Variants in ADCK1 observed in about 807,000 individuals in gnomAD.
ADCK1 encodes the protein aarF domain-containing protein kinase 1.
Under a neutral mutation model 52.3 loss-of-function variants are expected in ADCK1, and 41 were observed. The ratio of observed to expected loss-of-function variants is 0.78; its 90% CI spans 0.61 to 1.02. The LOEUF is 1.02. Ranked by LOEUF, ADCK1 falls within the 50% of genes least tolerant of loss-of-function variation. The probability of loss-of-function intolerance (pLI) is 0.00; values close to 1 mark genes in which losing one functional copy is unlikely to be tolerated. For missense variants in ADCK1, 658 were observed against 679.5 expected, an observed-to-expected ratio of 0.97 and a Z score of 0.35; for synonymous variants, 250 against 274.6, an observed-to-expected ratio of 0.91 and a Z score of 0.89.
intron 3 of ADCK1, among the ~76,000 whole-genome samples, chr14:77,822,964 C>A (rs535013413): frequency 6.6e-6 from 1 of 152,176 alleles, no homozygotes; most frequent in Non-Finnish European, 1.5e-5. Context: ...GGCTCTGTCC[C>A]GCAGATAACT....
intron 3 of ADCK1, among the ~76,000 whole-genome samples, chr14:77,826,803 A>C (rs943104444): frequency 5.3e-5 from 8 of 152,088 alleles, no homozygotes; most frequent in African/African-American, 1.9e-4. Flanking sequence ...ACACTTTATG[A>C]GTTTGGGAAG....
chr14:77,842,801 T>C (rs1016149030), intron 3 of ADCK1, among the ~76,000 whole-genome samples: 17 of 152,150 alleles, frequency 1.1e-4, no homozygotes, highest in African/African-American at 3.1e-4. Flanking sequence ...CCACCTGCCT[T>C]GGCCTCCCAA....
intron 3 of ADCK1, among the ~76,000 whole-genome samples, chr14:77,831,260 A>T (rs537219578): frequency 6.6e-6 from 1 of 152,296 alleles, no homozygotes; most frequent in South Asian, 2.1e-4. Context: ...CTTCTCCTAA[A>T]TTCCTTAATC....
At chr14:77,868,073 C>T (rs886463760) in intron 4 of ADCK1, among the ~76,000 whole-genome samples, 4 of 152,230 alleles carry the variant, frequency 2.6e-5, no homozygotes, top group Admixed American at 6.5e-5. Context: ...TGAGGTTTAA[C>T]AAATACTGAC....
At chr14:77,920,368 A>G (rs2084021505) in intron 7 of ADCK1, among the ~76,000 whole-genome samples, 1 of 152,054 alleles carries the variant, frequency 6.6e-6, no homozygotes, top group Non-Finnish European at 1.5e-5. Context: ...GTCGTTTTCC[A>G]CTTTGTTTTT....
intron 6 of ADCK1, 136 bp from the exon 7 acceptor site, chr14:77,907,667 C>T (rs2083696984): frequency 1.6e-6 from 1 of 615,160 alleles, no homozygotes; most frequent in East Asian, 3.0e-5. Context: ...ACTGTCACCG[C>T]TGAGGTCCCT....
At chr14:77,813,151 C>T (rs992481655) in intron 1 of ADCK1, among the ~76,000 whole-genome samples, 3 of 148,876 alleles carry the variant, frequency 2.0e-5, no homozygotes, top group Non-Finnish European at 1.5e-5. Flanking sequence ...TATAGGCATG[C>T]GCCACCATGC....
intron 1 of ADCK1, among the ~76,000 whole-genome samples, chr14:77,810,345 A>G (rs749535943): frequency 2.6e-5 from 4 of 151,922 alleles, no homozygotes; most frequent in Non-Finnish European, 5.9e-5. Context: ...GAACTCCTGG[A>G]CTCAAGCAAC....
intron 4 of ADCK1, among the ~76,000 whole-genome samples, chr14:77,882,961 C>A (rs529517328): frequency 1.3e-3 from 173 of 137,868 alleles, no homozygotes; most frequent in African/African-American, 3.9e-3. Context: ...ACACCACCCC[C>A]CCCCCCGTGC....
intron 4 of ADCK1, among the ~76,000 whole-genome samples, 180 bp from the exon 5 acceptor site, chr14:77,886,907 AACAC>A (rs59174310): frequency 0.057 from 7,057 of 123,832 alleles, 221 homozygotes; most frequent in Non-Finnish European, 0.084. Context: ...ACTCTGTCTC[AACAC>A]ACACACACAC....
chr14:77,873,727 C>T (rs561816182), intron 4 of ADCK1, among the ~76,000 whole-genome samples: 1 of 152,328 alleles, frequency 6.6e-6, no homozygotes, highest in East Asian at 1.9e-4. Flanking sequence ...ACTGGGCACT[C>T]ATTCTTCTCC....
At chr14:77,905,352 C>T (rs1046176040) in intron 6 of ADCK1, among the ~76,000 whole-genome samples, 35 of 134,224 alleles carry the variant, frequency 2.6e-4, no homozygotes, top group African/African-American at 8.0e-4. Context: ...CCTCTGTCAC[C>T]GTGGCTGGAG....
chr14:77,888,971 G>A (rs1164541745), intron 5 of ADCK1, among the ~76,000 whole-genome samples: 1 of 152,186 alleles, frequency 6.6e-6, no homozygotes, highest in South Asian at 2.1e-4. Flanking sequence ...CCTGGTGGGA[G>A]GTAATTGATT....
chr14:77,827,005 T>A (rs969199972), intron 3 of ADCK1, among the ~76,000 whole-genome samples: 1 of 152,140 alleles, frequency 6.6e-6, no homozygotes, highest in African/African-American at 2.4e-5. Context: ...TTGGCAGCCA[T>A]CTTTGCCACC....
In ADCK1 at chr14:77,852,660, AATATATATATATAT is replaced by A. The variant is rs370053776; in HGVS notation, c.220-6385_220-6372del. 9.7e-3 allele frequency among the ~76,000 whole-genome samples: 307 copies of A among 31,720 alleles called. 6 individuals are homozygous for A. Among genetic ancestry groups the A allele is most frequent in the African/African-American group, 0.031 (269 of 8,776 alleles). 20.8% of individuals were successfully genotyped at this position (31,720 alleles called of 152,430 possible). ...CAGCCATTATTTCTTTAAATAAATAAATATATATATATATATATATATATATATATATATATATA... is the reference window on the plus strand; with the variant it reads ...CAGCCATTATTTCTTTAAATAAATAAATATATATATATATATATATATATA... On this transcript the variant is annotated intron_variant, in intron 3 of 10. Transcript: ENST00000238561.
chr14:77,873,282 T>C lies in ADCK1; in HGVS notation c.424-13809T>C, dbSNP rs539380942. On this transcript the variant is annotated intron_variant, in intron 4 of 10. Transcript: ENST00000238561. ...GCTAATCAAGTTTTTATGCTGATTA[T>C]GAATAGGCCAGCTGGGCCTGCTTCT... 1.1e-4 allele frequency among the ~76,000 whole-genome samples: 16 copies of C among 152,366 alleles called. 1 individual carries two copies. In the East Asian group the frequency reaches 3.1e-3, roughly 29 times the overall value.
At chr14:77,859,484 A>T (rs1476575401) in intron 4 of ADCK1, among the ~76,000 whole-genome samples, 1 of 152,226 alleles carries the variant, frequency 6.6e-6, no homozygotes, top group Non-Finnish European at 1.5e-5. Flanking sequence ...ACCATATGAA[A>T]TAGTTCATAT....
rs568153737 is a variant in ADCK1, at chr14:77,859,248, G to A, written c.392G>A (p.Arg131His). 2.5e-6 allele frequency: 4 copies of A among 1,613,794 alleles called. No homozygotes were observed. Among genetic ancestry groups the A allele is most frequent in the East Asian group, 2.2e-5 (1 of 44,878 alleles). ...QAPQSSMQEIRQVIREDLGKE... is the reference protein window; with the variant it reads ...QAPQSSMQEIHQVIREDLGKE... ...CCACAGAGCAGCATGCAAGAGATCCGCCAGGTCATCCGAGAAGATCTGGGC... is the reference window on the plus strand; with the variant it reads ...CCACAGAGCAGCATGCAAGAGATCCACCAGGTCATCCGAGAAGATCTGGGC... Residue 131 changes from arginine to histidine, a missense_variant, in exon 4 of 11, where the codon CGC (arginine) becomes CAC (histidine). Physicochemically the swap from Arg to His is conservative, Grantham distance 29 (BLOSUM62 0). Transcript: ENST00000238561.
intron 9 of ADCK1, among the ~76,000 whole-genome samples, chr14:77,929,671 T>A (rs7154310): frequency 0.14 from 21,289 of 146,864 alleles, 1,719 homozygotes; most frequent in East Asian, 0.37. Context: ...GTGAACAAAA[T>A]TTTTTTTTTT....
Sources: gnomAD v4.1 joint callset for allele counts (sites outside exome capture counted in the v4.1 genomes callset) on GRCh38, gnomAD v4.1.1 for gene constraint, MANE v1.5 for transcripts, NCBI Gene and HGNC (gene_info 2026-07-23, HGNC 2026-07-21) for gene names.